The following ARID1B variants were observed in gnomAD, a reference collection of about 807,000 sequenced individuals.
ARID1B encodes AT-rich interactive domain-containing protein 1B.
In ARID1B, 30 loss-of-function variants were observed where a neutral mutation model predicts 212.3. The ratio of observed to expected loss-of-function variants is 0.14; its 90% CI spans 0.11 to 0.19. The LOEUF (loss-of-function observed/expected upper bound fraction) is 0.19. ARID1B is among the 10% of genes least tolerant of loss of function. The pLI is 1.00. For synonymous variants in ARID1B, 1,402 were observed against 1,301.7 expected (o/e 1.08, Z -1.66); for missense variants, 2,891 against 3,204.0 (o/e 0.90, Z 2.36).
At chr6:157,184,084 T>A in intron 12 of ARID1B, 147 bp from the exon 13 acceptor site, 1 of 690,098 alleles carries the variant, frequency 1.4e-6, no homozygotes, top group African/African-American at 1.8e-5. Flanking sequence ...AAATGCTGCC[T>A]ATGCACTGCT....
chr6:157,085,346 T>C (rs545233012), intron 5 of ARID1B, among the ~76,000 whole-genome samples: 5 of 152,198 alleles, frequency 3.3e-5, no homozygotes, highest in African/African-American at 1.2e-4. Flanking sequence ...CTTATCAGTG[T>C]CTGATCACAT....
At chr6:156,935,029 G>A (rs1221744133) in intron 3 of ARID1B, among the ~76,000 whole-genome samples, 2 of 143,212 alleles carry the variant, frequency 1.4e-5, no homozygotes, top group African/African-American at 5.2e-5. Context: ...TTAAATTATA[G>A]CCATAACATA....
At chr6:156,817,079 TTAAAAAAAAA>T (rs1424411382) in intron 1 of ARID1B, among the ~76,000 whole-genome samples, 1 of 141,538 alleles carries the variant, frequency 7.1e-6, no homozygotes, top group Non-Finnish European at 1.5e-5. Flanking sequence ...TGCCCTTTAA[TTAAAAAAAAA>T]AAAGAAAAAA....
chr6:157,082,742 T>C (rs1784717438), intron 4 of ARID1B, among the ~76,000 whole-genome samples: 1 of 152,144 alleles, frequency 6.6e-6, no homozygotes, highest in African/African-American at 2.4e-5. Context: ...ATGAACTTTT[T>C]CTAGGGGTGC....
intron 4 of ARID1B, among the ~76,000 whole-genome samples, chr6:157,073,488 A>G (rs578228744): frequency 6.6e-6 from 1 of 152,336 alleles, no homozygotes; most frequent in Admixed American, 6.5e-5. Flanking sequence ...CCTTATAAGC[A>G]GTGTTTAAAA....
chr6:157,078,056 C>T (rs1302664900), intron 4 of ARID1B, among the ~76,000 whole-genome samples: 1 of 152,152 alleles, frequency 6.6e-6, no homozygotes, highest in Non-Finnish European at 1.5e-5. Context: ...CGTGTTTTAG[C>T]ACTGACATGG....
Position 156,800,829 on chromosome 6 carries a change from T to G in ARID1B, c.1791+21358T>G, listed in dbSNP as rs1780728919. Among the ~76,000 whole-genome samples, 5 of 151,970 alleles carry G rather than the reference T, an allele frequency of 3.3e-5. No individual in the cohort carries two copies. The South Asian group carries it at 1.0e-3, about 32-fold the overall frequency. On this transcript the variant is annotated intron_variant, in intron 1 of 19. Coordinates refer to ENST00000636930, the MANE Select transcript of ARID1B (RefSeq NM_001374828.1). ...GGCTGAGGTGGAGGATCACCTGAGC[T>G]CAGGAGTTCGAGGTTGTAGTGAGCC...
At chr6:157,137,111 G>A (rs551487206) in intron 7 of ARID1B, among the ~76,000 whole-genome samples, 1 of 152,024 alleles carries the variant, frequency 6.6e-6, no homozygotes, top group South Asian at 2.1e-4. Context: ...AGCCCAGGAG[G>A]TTGAGGCTGC....
intron 4 of ARID1B, among the ~76,000 whole-genome samples, chr6:157,010,125 A>G (rs1220752373): frequency 6.6e-6 from 1 of 152,078 alleles, no homozygotes. Context: ...AAGTGATCAC[A>G]CTTATACCAC....
At chr6:156,855,418 C>T (rs985848662) in intron 2 of ARID1B, among the ~76,000 whole-genome samples, 12 of 152,154 alleles carry the variant, frequency 7.9e-5, no homozygotes, top group Admixed American at 5.9e-4. Flanking sequence ...CTAACACAGA[C>T]GCGTGGGATG....
intron 2 of ARID1B, among the ~76,000 whole-genome samples, chr6:156,894,305 C>CCGGGGGGGTGGGATGGGGGG (rs1788212008): frequency 8.3e-6 from 1 of 120,108 alleles, no homozygotes; most frequent in African/African-American, 3.2e-5. Context: ...GGGATGGGGG[C>CCGGGGGGGTGGGATGGGGGG]CGGGGGTTGG....
chr6:157,067,658 G>A (rs1371313260), intron 4 of ARID1B, among the ~76,000 whole-genome samples: 1 of 152,174 alleles, frequency 6.6e-6, no homozygotes, highest in Non-Finnish European at 1.5e-5. Context: ...CACTTTGTCT[G>A]CTTTCCTTGC....
intron 3 of ARID1B, among the ~76,000 whole-genome samples, chr6:156,913,984 TCC>T (rs1318149218): frequency 7.5e-5 from 10 of 133,296 alleles, no homozygotes; most frequent in Non-Finnish European, 1.3e-4. Flanking sequence ...CATTCTACTC[TCC>T]ACTCCCCAAC....
chr6:157,061,140 C>T (rs73017119), intron 4 of ARID1B, among the ~76,000 whole-genome samples: 2,209 of 152,250 alleles, frequency 0.015, 30 homozygotes, highest in Non-Finnish European at 0.021. Context: ...TTAATTCCTT[C>T]TAATTCTTTA....
chr6:156,859,731 C>T (rs1785192979), intron 2 of ARID1B, among the ~76,000 whole-genome samples: 1 of 152,126 alleles, frequency 6.6e-6, no homozygotes, highest in East Asian at 1.9e-4. Flanking sequence ...TTTGCATGTG[C>T]AGTTATTTCT....
At chr6:157,079,849 G>GAA (rs1256004550) in intron 4 of ARID1B, among the ~76,000 whole-genome samples, 1 of 151,984 alleles carries the variant, frequency 6.6e-6, no homozygotes, top group African/African-American at 2.4e-5. Context: ...TGTAGTTGAA[G>GAA]AGAGAAAAAG....
rs139465835 is a variant in ARID1B at position 157,162,328 on chromosome 6, T to G, written c.3090-4712T>G. On this transcript the variant is annotated intron_variant, in intron 8 of 19. Coordinates refer to ENST00000636930, the MANE Select transcript of ARID1B (RefSeq NM_001374828.1). ...AAGCAAACTGTAGTGGGAAGTGATA[T>G]TCCTCTTTCTGTTTTCACACTGAAC... Among the ~76,000 whole-genome samples the G allele has an allele frequency of 1.4e-3, 206 of 152,388 alleles. 1 individual carries two copies. Among genetic ancestry groups the G allele is most frequent in the African/African-American group, 4.6e-3 (191 of 41,592 alleles).
Position 157,206,566 on chromosome 6 carries a change from G to A in ARID1B, c.5794G>A (p.Val1932Met), listed in dbSNP as rs779934605. The change falls in exon 20 of 20, where the codon GTG (valine) becomes ATG (methionine). Residue 1932 changes from valine to methionine, a missense_variant. By Grantham distance (21) the Val-to-Met change is conservative (BLOSUM62 1). Coordinates refer to ENST00000636930, the MANE Select transcript of ARID1B (RefSeq NM_001374828.1). The surrounding 1 kb of genome is among the most constrained non-coding windows in gnomAD (Gnocchi z 6.8). ...VVDRSDKLGR[V>M]QEFNSGLLHW... ...TGACCGATCTGACAAGTTGGGGCGT[G>A]TGCAGGAGTTCAATAGTGGCCTTCT... The A allele has an allele frequency of 6.2e-7, 1 of 1,614,054 alleles. No homozygotes were observed. Among genetic ancestry groups the A allele is most frequent in the East Asian group, 2.2e-5 (1 of 44,892 alleles).
At chr6:157,004,771 T>C (rs2128438479) in intron 4 of ARID1B, among the ~76,000 whole-genome samples, 1 of 152,310 alleles carries the variant, frequency 6.6e-6, no homozygotes, top group South Asian at 2.1e-4. Context: ...CTTTGTACCA[T>C]ATTGCTTATA....
Sources: allele counts gnomAD v4.1 joint callset (sites outside exome capture counted in the v4.1 genomes callset), GRCh38; gene constraint gnomAD v4.1.1; non-coding constraint Gnocchi (gnomAD v3.1); transcripts MANE v1.5; gene names NCBI Gene and HGNC (gene_info 2026-07-23, HGNC 2026-07-21).